Variants in FBXL17 observed in about 807,000 individuals in gnomAD.
The protein encoded by FBXL17 is F-box/LRR-repeat protein 17.
FBXL17 carries 22 observed loss-of-function variants against 66.2 expected under a neutral mutation model. The ratio of observed to expected loss-of-function variants is 0.33; its 90% CI spans 0.24 to 0.47. FBXL17 has a LOEUF of 0.47. Among genes scored for constraint, FBXL17 ranks in the 20% least tolerant of loss-of-function variants. The probability of loss-of-function intolerance (pLI) is 1.00; values close to 1 mark genes in which losing one functional copy is unlikely to be tolerated. For missense variants in FBXL17, 878 were observed against 948.2 expected (o/e 0.93, Z 0.97); for synonymous variants, 474 against 400.5 (o/e 1.18, Z -2.19).
intron 2 of FBXL17, among the ~76,000 whole-genome samples, chr5:108,366,519 A>G (rs1231598610): frequency 9.7e-6 from 1 of 103,520 alleles, no homozygotes; most frequent in African/African-American, 3.7e-5. Context: ...CTCTCCTTTT[A>G]TTTTTTACTT....
Position 108,244,948 on chromosome 5 carries a change from A to C in FBXL17, c.1507-20720T>G, listed in dbSNP as rs186064789. On this transcript the variant is annotated intron_variant, in intron 4 of 8. Coordinates refer to ENST00000542267, the MANE Select transcript of FBXL17 (RefSeq NM_001163315.3). ...TATGGCAGCATATTCTACTGTTGTTAAAGTCTCTGGAAAGCAGAACAATGT... is the reference window on the plus strand; with the variant it reads ...TATGGCAGCATATTCTACTGTTGTTCAAGTCTCTGGAAAGCAGAACAATGT... Among the ~76,000 whole-genome samples the C allele has an allele frequency of 7.8e-3, 1,187 of 152,258 alleles. 10 individuals carry two copies. Among genetic ancestry groups the C allele is most frequent in the Non-Finnish European group, 0.011 (771 of 67,990 alleles).
At chr5:108,352,758 C>T (rs1051222020) in intron 3 of FBXL17, among the ~76,000 whole-genome samples, 8 of 152,190 alleles carry the variant, frequency 5.3e-5, no homozygotes, top group Non-Finnish European at 8.8e-5. Context: ...ATCCGCCCGC[C>T]TCAGCCTCCC....
chr5:107,967,200 A>C (rs559045810), intron 7 of FBXL17, among the ~76,000 whole-genome samples: 1 of 152,070 alleles, frequency 6.6e-6, no homozygotes, highest in Non-Finnish European at 1.5e-5. Context: ...TAAATTGTGT[A>C]TACCAAGGAG....
intron 7 of FBXL17, among the ~76,000 whole-genome samples, chr5:107,907,465 A>C (rs1194424632): frequency 6.6e-6 from 1 of 152,156 alleles, no homozygotes; most frequent in East Asian, 1.9e-4. Flanking sequence ...AAAATGAAAC[A>C]AAACGAGGCA....
At chr5:108,178,101 C>T (rs999935679) in intron 6 of FBXL17, among the ~76,000 whole-genome samples, 1 of 151,974 alleles carries the variant, frequency 6.6e-6, no homozygotes, top group Non-Finnish European at 1.5e-5. Flanking sequence ...TCACAGCTCA[C>T]TGCAATCTCT....
intron 5 of FBXL17, among the ~76,000 whole-genome samples, chr5:108,194,575 T>A (rs158607): frequency 0.15 from 22,071 of 152,182 alleles, 1,908 homozygotes; most frequent in South Asian, 0.32. Flanking sequence ...CCTTCCCTGA[T>A]CGCTTCCTTC....
intron 6 of FBXL17, among the ~76,000 whole-genome samples, chr5:108,059,300 A>G (rs1296667516): frequency 2.6e-5 from 4 of 152,176 alleles, no homozygotes; most frequent in Admixed American, 1.3e-4. Context: ...TCCAAGGAGG[A>G]TAAGACTAAA....
At chr5:108,179,496 G>A (rs181664285) in intron 6 of FBXL17, among the ~76,000 whole-genome samples, 207 of 152,210 alleles carry the variant, frequency 1.4e-3, no homozygotes, top group African/African-American at 4.7e-3. Context: ...TCTTAATATT[G>A]AAAACAAAGG....
In FBXL17 at chr5:107,881,020, T is replaced by A. The variant is rs1748773819; in HGVS notation, c.1965+17A>T. On this transcript the variant is annotated intron_variant, in intron 8 of 8. Transcript: ENST00000542267. Reference sequence around the variant, plus strand: ...ACTGATATGTAGAAAGCAAACAACTTGATAGTCAACTCTTACTTTATCACA... The same window carrying A: ...ACTGATATGTAGAAAGCAAACAACTAGATAGTCAACTCTTACTTTATCACA... 1 of 1,614,074 alleles carries A rather than the reference T, an allele frequency of 6.2e-7. No individual in the cohort carries two copies. Among genetic ancestry groups the A allele is most frequent in the Admixed American group, 1.7e-5 (1 of 60,022 alleles).
intron 1 of FBXL17, among the ~76,000 whole-genome samples, chr5:108,370,271 T>C (rs1748941233): frequency 6.6e-6 from 1 of 152,232 alleles, no homozygotes; most frequent in South Asian, 2.1e-4. Flanking sequence ...CAAGGATTTG[T>C]TGTAATACAT....
intron 6 of FBXL17, among the ~76,000 whole-genome samples, chr5:108,178,617 T>C (rs1409000698): frequency 1.3e-5 from 2 of 152,180 alleles, no homozygotes; most frequent in African/African-American, 4.8e-5. Context: ...ATTCAGTGGA[T>C]TGCAGAAATA....
intron 6 of FBXL17, among the ~76,000 whole-genome samples, chr5:108,132,063 G>A (rs1247690855): frequency 6.7e-6 from 1 of 149,906 alleles, no homozygotes; most frequent in Non-Finnish European, 1.5e-5. Flanking sequence ...CGCAACCTCC[G>A]CCTCCCAGGT....
At chr5:108,172,858 T>C (rs902120341) in intron 6 of FBXL17, among the ~76,000 whole-genome samples, 6 of 152,174 alleles carry the variant, frequency 3.9e-5, no homozygotes, top group Non-Finnish European at 8.8e-5. Context: ...TGGAGTGCAA[T>C]GGTGCAATCT....
At chr5:108,059,686 T>A (rs564758254) in intron 6 of FBXL17, among the ~76,000 whole-genome samples, 1 of 152,302 alleles carries the variant, frequency 6.6e-6, no homozygotes, top group East Asian at 1.9e-4. Context: ...GACCACGAAA[T>A]GTTTGTAGTG....
chr5:107,878,806 G>C, intron 8 of FBXL17: 1 of 985,456 alleles, frequency 1.0e-6, no homozygotes, highest in Non-Finnish European at 1.2e-6. Flanking sequence ...CTCGTGTTTG[G>C]CTCTGAGCTG....
chr5:108,000,192 T>C lies in FBXL17; in HGVS notation c.1822+20733A>G, dbSNP rs968474741. Among the ~76,000 whole-genome samples, 5 of 152,338 alleles carry C rather than the reference T, an allele frequency of 3.3e-5. No individual in the cohort carries two copies. The South Asian group carries it at 8.3e-4, about 25-fold the overall frequency. On this transcript the variant is annotated intron_variant, in intron 7 of 8. Coordinates refer to ENST00000542267, the MANE Select transcript of FBXL17 (RefSeq NM_001163315.3). ...TGTATTGTTTTTATTGTTGTTTGTA[T>C]GCATATGTGAATAATAATATCAATA...
intron 6 of FBXL17, among the ~76,000 whole-genome samples, chr5:108,159,048 G>A (rs989165227): frequency 1.3e-5 from 2 of 152,018 alleles, no homozygotes; most frequent in Non-Finnish European, 2.9e-5. Context: ...ACAAGTGAGT[G>A]GTGGTATTTC....
At chr5:108,213,479 C>T (rs187593663) in intron 5 of FBXL17, among the ~76,000 whole-genome samples, 3 of 152,310 alleles carry the variant, frequency 2.0e-5, no homozygotes, top group Admixed American at 1.3e-4. Flanking sequence ...ATGGGACAAG[C>T]GCAGTATCTG....
chr5:108,209,629 T>A (rs888086470), intron 5 of FBXL17, among the ~76,000 whole-genome samples: 1 of 152,222 alleles, frequency 6.6e-6, no homozygotes, highest in Admixed American at 6.5e-5. Context: ...TTTTCTTATG[T>A]TGAACCAGGC....
Sources: gnomAD v4.1 joint callset for allele counts (sites outside exome capture counted in the v4.1 genomes callset) on GRCh38, gnomAD v4.1.1 for gene constraint, MANE v1.5 for transcripts, NCBI Gene and HGNC (gene_info 2026-07-23, HGNC 2026-07-21) for gene names.